RTL4: variants seen among roughly 807,000 people sequenced by gnomAD.
The protein encoded by RTL4 is retrotransposon Gag-like protein 4.
Under a neutral mutation model 5.3 loss-of-function variants are expected in RTL4, and 4 were observed. That is an observed-to-expected ratio of 0.75 (90% CI 0.37 to 1.72). The LOEUF is 1.72. RTL4 is among the 40% of genes most tolerant of loss of function. The probability of loss-of-function intolerance (pLI) is 0.04; values close to 1 mark genes in which losing one functional copy is unlikely to be tolerated. For missense variants in RTL4, 260 were observed against 227.1 expected (o/e 1.14, Z -0.93); for synonymous variants, 98 against 87.3 (o/e 1.12, Z -0.68).
chrX:112,089,338 A>T, the RTL4 span, among the ~76,000 whole-genome samples: 50 of 111,394 alleles, frequency 4.5e-4, 1 homozygote, highest in African/African-American at 1.6e-3. Context: ...AAGGTCATAA[A>T]GATTTACTCT....
the RTL4 span, among the ~76,000 whole-genome samples, chrX:112,344,303 G>GA: frequency 9.0e-6 from 1 of 111,726 alleles, no homozygotes; most frequent in Non-Finnish European, 1.9e-5. Flanking sequence ...CAAAATTGCT[G>GA]TATTAGTTTG....
the RTL4 span, among the ~76,000 whole-genome samples, chrX:112,116,596 G>A: frequency 6.3e-5 from 7 of 111,589 alleles, no homozygotes; most frequent in East Asian, 5.6e-4. Flanking sequence ...TGAGTGGTGC[G>A]TTTTTACAAA....
the RTL4 span, among the ~76,000 whole-genome samples, chrX:112,121,125 C>A: frequency 9.0e-5 from 10 of 111,704 alleles, no homozygotes; most frequent in African/African-American, 3.3e-4. Context: ...TGCACATGTA[C>A]CCCTGAACTT....
At chrX:112,192,369 A>G in the RTL4 span, among the ~76,000 whole-genome samples, 2 of 110,915 alleles carry the variant, frequency 1.8e-5, no homozygotes, top group East Asian at 2.8e-4. Context: ...GTCTTTCACC[A>G]TTAAGTATGA....
At chrX:112,220,555 T>A in the RTL4 span, among the ~76,000 whole-genome samples, 4 of 113,157 alleles carry the variant, frequency 3.5e-5, no homozygotes, top group Non-Finnish European at 7.5e-5. Flanking sequence ...CTTATACAAA[T>A]TTCTGCAGCA....
the RTL4 span, among the ~76,000 whole-genome samples, chrX:112,292,468 A>G: frequency 8.9e-6 from 1 of 111,876 alleles, no homozygotes; most frequent in Admixed American, 9.5e-5. Flanking sequence ...CCTCACATTG[A>G]ATATCCATGT....
At chrX:112,262,743 G>T in the RTL4 span, among the ~76,000 whole-genome samples, 1 of 110,189 alleles carries the variant, frequency 9.1e-6, no homozygotes, top group Non-Finnish European at 1.9e-5. Context: ...ACACATGCAC[G>T]TGTATGTTTA....
the RTL4 span, among the ~76,000 whole-genome samples, chrX:112,128,981 A>G: frequency 8.9e-6 from 1 of 111,760 alleles, no homozygotes; most frequent in Non-Finnish European, 1.9e-5. Context: ...GAACACTTAG[A>G]ACTCAACAAC....
the RTL4 span, among the ~76,000 whole-genome samples, chrX:112,352,287 A>G: frequency 9.1e-6 from 1 of 110,399 alleles, no homozygotes; most frequent in African/African-American, 3.3e-5. Context: ...CTTTCTCTCC[A>G]TCAAGCTACC....
chrX:112,247,010 A>T, the RTL4 span, among the ~76,000 whole-genome samples: 1 of 112,120 alleles, frequency 8.9e-6, no homozygotes, highest in Non-Finnish European at 1.9e-5. Context: ...AGCAAAAGCA[A>T]CTACTCAAAA....
At chrX:112,263,715 G>C in the RTL4 span, among the ~76,000 whole-genome samples, 1 of 111,341 alleles carries the variant, frequency 9.0e-6, no homozygotes, top group East Asian at 2.8e-4. Context: ...AATATTGTAT[G>C]GTTTACTTAA....
chrX:112,181,088 C>T, the RTL4 span, among the ~76,000 whole-genome samples: 1 of 111,820 alleles, frequency 8.9e-6, no homozygotes, highest in African/African-American at 3.3e-5. Flanking sequence ...TCAGGGAACT[C>T]CCTCCCCTAG....
the RTL4 span, among the ~76,000 whole-genome samples, chrX:112,178,290 G>A: frequency 9.0e-6 from 1 of 111,644 alleles, no homozygotes; most frequent in East Asian, 2.8e-4. Context: ...CGATGATTCT[G>A]GGCCTAGGCT....
At chrX:112,445,183 G>A in the RTL4 span, among the ~76,000 whole-genome samples, 1 of 35,129 alleles carries the variant, frequency 2.8e-5, no homozygotes, top group Non-Finnish European at 5.0e-5. Flanking sequence ...TGACGGGTGT[G>A]AAGGGAGCTG....
the RTL4 span, among the ~76,000 whole-genome samples, chrX:112,214,733 T>C: frequency 1.8e-5 from 2 of 112,147 alleles, no homozygotes; most frequent in East Asian, 2.8e-4. Flanking sequence ...TGAGGTGATA[T>C]CTGATTGTGG....
the RTL4 span, among the ~76,000 whole-genome samples, chrX:112,329,289 A>G: frequency 4.5e-5 from 5 of 111,397 alleles, no homozygotes; most frequent in South Asian, 1.9e-3. Context: ...AAAAGAGAGA[A>G]GAATCAAATA....
At chrX:112,157,973 A>G in the RTL4 span, among the ~76,000 whole-genome samples, 2 of 111,402 alleles carry the variant, frequency 1.8e-5, no homozygotes, top group Middle Eastern at 4.6e-3. Context: ...TCTGTGGGAC[A>G]CTACTTTTGA....
exon 1 of RTL4, chrX:112,455,786 C>A: frequency 1.6e-6 from 1 of 641,236 alleles, no homozygotes; most frequent in Non-Finnish European, 2.3e-6. Context: ...TGAACTGACA[C>A]GCTTTGGGGG....
At chrX:112,253,398 C>G in the RTL4 span, among the ~76,000 whole-genome samples, 3 of 112,198 alleles carry the variant, frequency 2.7e-5, no homozygotes, top group Non-Finnish European at 3.8e-5. Flanking sequence ...CTGTTTCCTA[C>G]GAAATTCACT....
Sources: gnomAD v4.1 joint callset for allele counts (sites outside exome capture counted in the v4.1 genomes callset) on GRCh38, gnomAD v4.1.1 for gene constraint, MANE v1.5 for transcripts, NCBI Gene and HGNC (gene_info 2026-07-23, HGNC 2026-07-21) for gene names.